The following SMYD3 variants were observed in gnomAD, a reference collection of about 807,000 sequenced individuals.
SMYD3 encodes the protein SET and MYND domain containing 3.
SMYD3 carries 36 observed loss-of-function variants against 57.7 expected under a neutral mutation model. The ratio of observed to expected loss-of-function variants is 0.62; its 90% CI spans 0.48 to 0.82. SMYD3 has a LOEUF of 0.82. Among genes scored for constraint, SMYD3 ranks in the 40% least tolerant of loss-of-function variants. The pLI, the probability that SMYD3 is intolerant of heterozygous loss-of-function variation, is 0.00. For synonymous variants in SMYD3, 211 were observed against 195.0 expected, an observed-to-expected ratio of 1.08 and a Z score of -0.68; for missense variants, 515 against 538.8, an observed-to-expected ratio of 0.96 and a Z score of 0.44.
intron 5 of SMYD3, among the ~76,000 whole-genome samples, chr1:246,176,294 A>T (rs543000091): frequency 6.6e-6 from 1 of 152,332 alleles, no homozygotes; most frequent in Admixed American, 6.5e-5. Flanking sequence ...GATCCAGGCC[A>T]TTCCTACATC....
At chr1:246,116,968 G>A (rs2061350749) in intron 5 of SMYD3, among the ~76,000 whole-genome samples, 1 of 152,262 alleles carries the variant, frequency 6.6e-6, no homozygotes, top group East Asian at 1.9e-4. Context: ...AAATGAAATG[G>A]TTTTCCTTAA....
intron 4 of SMYD3, among the ~76,000 whole-genome samples, chr1:246,329,474 C>A (rs911085515): frequency 6.6e-6 from 1 of 152,138 alleles, no homozygotes; most frequent in African/African-American, 2.4e-5. Context: ...TGTTTTTTGG[C>A]TGCATAAATG....
intron 5 of SMYD3, among the ~76,000 whole-genome samples, chr1:246,271,634 T>C (rs982864100): frequency 2.0e-5 from 3 of 152,232 alleles, no homozygotes; most frequent in African/African-American, 7.2e-5. Context: ...TTCTGGACTT[T>C]CCCGTTGATT....
intron 1 of SMYD3, among the ~76,000 whole-genome samples, chr1:246,459,407 T>G (rs2067760128): frequency 6.6e-6 from 1 of 152,192 alleles, no homozygotes; most frequent in Admixed American, 6.5e-5. Context: ...GACAGAGTTC[T>G]CGCGAGATCT....
chr1:246,332,681 G>A (rs577808004), intron 3 of SMYD3, among the ~76,000 whole-genome samples: 3 of 152,298 alleles, frequency 2.0e-5, no homozygotes, highest in South Asian at 2.1e-4. Context: ...GGTGGTGGGC[G>A]CCTGTAGTCC....
At chr1:245,820,491 AG>A (rs2049101456) in intron 10 of SMYD3, among the ~76,000 whole-genome samples, 1 of 148,524 alleles carries the variant, frequency 6.7e-6, no homozygotes. Context: ...GGCACAAGAC[AG>A]GGATGCCCTC....
intron 5 of SMYD3, among the ~76,000 whole-genome samples, chr1:246,045,866 A>G (rs1380544617): frequency 2.0e-5 from 3 of 152,272 alleles, no homozygotes; most frequent in Non-Finnish European, 4.4e-5. Context: ...CAACAGACAC[A>G]TGAAAAAATG....
rs547112416 is a variant in SMYD3, at chr1:246,475,779, T to C, written c.164+31275A>G. Among the ~76,000 whole-genome samples, 21 of 152,194 alleles carry C rather than the reference T, an allele frequency of 1.4e-4. 1 individual carries two copies. In the South Asian group the frequency reaches 4.0e-3, roughly 29 times the overall value. ...ACAGGCATGCACCAACACACCAGGC[T>C]AATTTTTCATATTTTTGGTAGAGAC... On this transcript the variant is annotated intron_variant, in intron 1 of 11. Transcript: ENST00000490107.
At chr1:246,032,234 C>G in intron 5 of SMYD3, among the ~76,000 whole-genome samples, 1 of 152,076 alleles carries the variant, frequency 6.6e-6, no homozygotes, top group African/African-American at 2.4e-5. Flanking sequence ...AAAATGTCAC[C>G]CAGAAATAAC....
At chr1:246,121,281 G>A (rs1181105957) in intron 5 of SMYD3, among the ~76,000 whole-genome samples, 1 of 151,946 alleles carries the variant, frequency 6.6e-6, no homozygotes, top group Admixed American at 6.6e-5. Flanking sequence ...GAACCATTTG[G>A]AAGTTATTCC....
intron 5 of SMYD3, among the ~76,000 whole-genome samples, chr1:246,005,240 C>T (rs1003624247): frequency 6.6e-6 from 1 of 152,226 alleles, no homozygotes; most frequent in African/African-American, 2.4e-5. Flanking sequence ...ATCTTACTGC[C>T]ATTGCTTAAT....
chr1:246,006,583 A>T (rs1052131074), intron 5 of SMYD3, among the ~76,000 whole-genome samples: 2 of 152,170 alleles, frequency 1.3e-5, no homozygotes, highest in African/African-American at 4.8e-5. Flanking sequence ...AAGATTTTTT[A>T]AAAAACTAAA....
In SMYD3 at chr1:245,779,896, C is replaced by T. The variant is rs140903282; in HGVS notation, c.1077-15747G>A. On this transcript the variant is annotated intron_variant, in intron 10 of 11. Coordinates refer to ENST00000490107, the MANE Select transcript of SMYD3 (RefSeq NM_001167740.2). ...ACTAGATATTTTTCCAAAGAAGATA[C>T]ACAAATGGCTCATAAACACCTGAAA... Among the ~76,000 whole-genome samples, 35 of 152,246 alleles carry T rather than the reference C, an allele frequency of 2.3e-4. No homozygotes were observed. In the East Asian group the frequency reaches 6.2e-3, roughly 27 times the overall value.
intron 5 of SMYD3, among the ~76,000 whole-genome samples, chr1:246,273,968 GTTC>G (rs1350430951): frequency 9.2e-5 from 14 of 151,856 alleles, no homozygotes; most frequent in Non-Finnish European, 2.1e-4. Flanking sequence ...TTTGCATTTA[GTTC>G]TTCTTTATCT....
In SMYD3 at chr1:246,097,941, G is replaced by A. The variant is rs192556785; in HGVS notation, c.532-168004C>T. On this transcript the variant is annotated intron_variant, in intron 5 of 11. Transcript: ENST00000490107. ...TTTCAATTATATTTTACAGACACCC[G>A]TCTACATTAAATTTACCTTCTTGCT... 1.2e-3 allele frequency among the ~76,000 whole-genome samples: 178 copies of A among 152,214 alleles called. 1 individual carries two copies. In the Middle Eastern group the frequency reaches 0.017, roughly 15 times the overall value.
chr1:245,866,798 A>C (rs928737965), intron 8 of SMYD3, among the ~76,000 whole-genome samples: 2 of 152,154 alleles, frequency 1.3e-5, no homozygotes, highest in Non-Finnish European at 2.9e-5. Flanking sequence ...GCCCGTATTC[A>C]TCTCCTAAAG....
At chr1:245,858,262 T>C (rs1250102716) in intron 10 of SMYD3, among the ~76,000 whole-genome samples, 2 of 152,210 alleles carry the variant, frequency 1.3e-5, no homozygotes, top group East Asian at 1.9e-4. Flanking sequence ...ATCTAATTAG[T>C]TTCTGTACAC....
intron 5 of SMYD3, among the ~76,000 whole-genome samples, chr1:246,232,542 T>C (rs565626799): frequency 6.7e-6 from 1 of 149,058 alleles, no homozygotes; most frequent in Non-Finnish European, 1.5e-5. Context: ...GTGATGAACA[T>C]ATACCACACA....
intron 9 of SMYD3, among the ~76,000 whole-genome samples, chr1:245,861,868 G>C (rs1011959258): frequency 1.7e-4 from 17 of 97,494 alleles, no homozygotes; most frequent in African/African-American, 4.3e-4. Flanking sequence ...GTGCAGGGCT[G>C]TGTCTTCTAA....
Sources: allele counts gnomAD v4.1 joint callset (sites outside exome capture counted in the v4.1 genomes callset), GRCh38; gene constraint gnomAD v4.1.1; transcripts MANE v1.5; gene names NCBI Gene and HGNC (gene_info 2026-07-23, HGNC 2026-07-21).